EEPD1: variants seen among roughly 807,000 people sequenced by gnomAD.
The protein encoded by EEPD1 is endonuclease/exonuclease/phosphatase family domain containing 1, also known as endonuclease/exonuclease/phosphatase family domain-containing protein 1.
In EEPD1, 17 loss-of-function variants were observed where a neutral mutation model predicts 46.3. The ratio of observed to expected loss-of-function variants is 0.37; its 90% CI spans 0.25 to 0.55. The LOEUF (loss-of-function observed/expected upper bound fraction) is 0.55. EEPD1 is among the 20% of genes least tolerant of loss of function. The pLI, the probability that EEPD1 is intolerant of heterozygous loss-of-function variation, is 0.83. For synonymous variants in EEPD1, 313 were observed against 315.6 expected, an observed-to-expected ratio of 0.99 and a Z score of 0.09; for missense variants, 673 against 745.6, an observed-to-expected ratio of 0.90 and a Z score of 1.13.
chr7:36,220,860 T>C (rs1786132479), intron 2 of EEPD1, among the ~76,000 whole-genome samples: 1 of 152,192 alleles, frequency 6.6e-6, no homozygotes. Flanking sequence ...AATGCAGTGG[T>C]GCAATCTCGG....
At chr7:36,240,132 G>A (rs1786533365) in intron 3 of EEPD1, among the ~76,000 whole-genome samples, 1 of 152,032 alleles carries the variant, frequency 6.6e-6, no homozygotes, top group South Asian at 2.1e-4. Flanking sequence ...AGCCAGGTGT[G>A]GTGGTGCACA....
At chr7:36,291,923 G>T (rs940173083) in intron 6 of EEPD1, among the ~76,000 whole-genome samples, 1 of 152,222 alleles carries the variant, frequency 6.6e-6, no homozygotes, top group Non-Finnish European at 1.5e-5. Context: ...ATTTCTACTC[G>T]CTTTGCTTGG....
chr7:36,199,833 G>A (rs1785684479), intron 2 of EEPD1, among the ~76,000 whole-genome samples: 1 of 152,116 alleles, frequency 6.6e-6, no homozygotes, highest in South Asian at 2.1e-4. Flanking sequence ...AAGGCCTGTG[G>A]GTGCAGGTTG....
At chr7:36,290,322 C>T (rs1787408464) in intron 6 of EEPD1, among the ~76,000 whole-genome samples, 1 of 152,086 alleles carries the variant, frequency 6.6e-6, no homozygotes, top group African/African-American at 2.4e-5. Context: ...CACAGCCTGG[C>T]TTGGCCTTGA....
chr7:36,221,918 C>G (rs1048028872), intron 2 of EEPD1, among the ~76,000 whole-genome samples: 2 of 152,192 alleles, frequency 1.3e-5, no homozygotes, highest in African/African-American at 4.8e-5. Flanking sequence ...GTGTCCCCCC[C>G]ACAGCACACT....
At chr7:36,187,581 C>G (rs1785381861) in intron 2 of EEPD1, among the ~76,000 whole-genome samples, 1 of 152,154 alleles carries the variant, frequency 6.6e-6, no homozygotes, top group African/African-American at 2.4e-5. Context: ...TCAGGATTTC[C>G]TTCCTTTTTA....
intron 2 of EEPD1, among the ~76,000 whole-genome samples, chr7:36,177,259 A>G (rs1785198078): frequency 6.6e-6 from 1 of 151,510 alleles, no homozygotes; most frequent in South Asian, 2.1e-4. Context: ...TTCATTTTTA[A>G]ATGTTTTGCA....
chr7:36,259,496 T>C lies in EEPD1; in HGVS notation c.930+20460T>C, dbSNP rs549263122. Reference sequence around the variant, plus strand: ...CACCTTGAACTATACATTGTTATAATAATTATTCATATATATAATTTTTTT... The same window carrying C: ...CACCTTGAACTATACATTGTTATAACAATTATTCATATATATAATTTTTTT... On this transcript the variant is annotated intron_variant, in intron 3 of 7. Coordinates refer to ENST00000242108, the MANE Select transcript of EEPD1 (RefSeq NM_030636.3). Among the ~76,000 whole-genome samples, 4 of 152,274 alleles carry C rather than the reference T, an allele frequency of 2.6e-5. No individual in the cohort carries two copies. The South Asian group carries it at 8.3e-4, about 32-fold the overall frequency.
intron 2 of EEPD1, among the ~76,000 whole-genome samples, chr7:36,198,342 G>GAAAAAAAAAAAAAAAAAAAA (rs1361024411): frequency 6.6e-4 from 22 of 33,100 alleles, no homozygotes; most frequent in South Asian, 1.8e-3. Flanking sequence ...AAAAAGAAAA[G>GAAAAAAAAAAAAAAAAAAAA]AAAAAAAAAA....
intron 2 of EEPD1, among the ~76,000 whole-genome samples, chr7:36,158,936 C>A (rs538988413): frequency 6.6e-6 from 1 of 152,278 alleles, no homozygotes; most frequent in East Asian, 1.9e-4. Context: ...GCTCATTTTC[C>A]CTGTGGCCTA....
intron 3 of EEPD1, among the ~76,000 whole-genome samples, chr7:36,253,064 T>G (rs1562702911): frequency 1.3e-5 from 2 of 151,950 alleles, no homozygotes; most frequent in African/African-American, 2.4e-5. Flanking sequence ...GGTTATTGAT[T>G]TGACATCTTC....
At chr7:36,183,888 T>TTTTTTTTTTTTTTTTTTTTTTTG (rs3053348) in intron 2 of EEPD1, among the ~76,000 whole-genome samples, 14 of 135,470 alleles carry the variant, frequency 1.0e-4, no homozygotes, top group African/African-American at 1.6e-4. Context: ...TTTTTTTTTT[T>TTTTTTTTTTTTTTTTTTTTTTTG]ATTTTTAAAA....
intron 2 of EEPD1, among the ~76,000 whole-genome samples, chr7:36,237,771 T>G (rs1786481777): frequency 6.6e-6 from 1 of 152,060 alleles, no homozygotes; most frequent in Non-Finnish European, 1.5e-5. Context: ...GCCAACATGG[T>G]GAAACCCTGT....
chr7:36,162,675 C>A lies in EEPD1; in HGVS notation c.878+7473C>A, dbSNP rs945041189. Among the ~76,000 whole-genome samples, 18 of 152,104 alleles carry A rather than the reference C, an allele frequency of 1.2e-4. No individual in the cohort carries two copies. In the Middle Eastern group the frequency reaches 0.014, roughly 116 times the overall value. On this transcript the variant is annotated intron_variant, in intron 2 of 7. Coordinates refer to ENST00000242108, the MANE Select transcript of EEPD1 (RefSeq NM_030636.3). ...AAGAAAAGAAAGAAAAAAAGAAAAACCTGGATTTTCTTTACTGACTACAAT... is the reference window on the plus strand; with the variant it reads ...AAGAAAAGAAAGAAAAAAAGAAAAAACTGGATTTTCTTTACTGACTACAAT...
chr7:36,283,156 G>A (rs773459843), intron 4 of EEPD1, among the ~76,000 whole-genome samples: 12 of 152,106 alleles, frequency 7.9e-5, no homozygotes, highest in Non-Finnish European at 1.3e-4. Flanking sequence ...TGAGGTGCTC[G>A]GACCTGAGCC....
chr7:36,186,334 T>C (rs1785359962), intron 2 of EEPD1, among the ~76,000 whole-genome samples: 2 of 152,130 alleles, frequency 1.3e-5, no homozygotes, highest in Admixed American at 1.3e-4. Context: ...GAATGGCCAG[T>C]GGGGAAAGGG....
At chr7:36,259,836 T>A (rs945745910) in intron 3 of EEPD1, among the ~76,000 whole-genome samples, 2 of 152,248 alleles carry the variant, frequency 1.3e-5, no homozygotes, top group Non-Finnish European at 2.9e-5. Context: ...TATATTTTTA[T>A]GTCTTCTAAA....
intron 3 of EEPD1, among the ~76,000 whole-genome samples, chr7:36,272,991 G>A (rs570635752): frequency 2.0e-5 from 3 of 152,188 alleles, no homozygotes; most frequent in Non-Finnish European, 2.9e-5. Context: ...AAAGTTGACC[G>A]ATGTACTGAC....
At position 36,225,234 on chromosome 7, in the gene EEPD1, A is replaced by G. The variant is rs1786213228; in HGVS notation, c.879-13751A>G. On this transcript the variant is annotated intron_variant, in intron 2 of 7. Transcript: ENST00000242108. The surrounding 1 kb of genome is among the most constrained non-coding windows in gnomAD (Gnocchi z 4.2). Reference sequence around the variant, plus strand: ...AGCCACAGAAAACAACACAAATGCCATGGAAAATCAAATCAGTGATATGAG... The same window carrying G: ...AGCCACAGAAAACAACACAAATGCCGTGGAAAATCAAATCAGTGATATGAG... 6.6e-6 allele frequency among the ~76,000 whole-genome samples: 1 copy of G among 152,234 alleles called. No homozygotes were observed. Among genetic ancestry groups the G allele is most frequent in the Non-Finnish European group, 1.5e-5 (1 of 68,048 alleles).
Sources: gnomAD v4.1 joint callset for allele counts (sites outside exome capture counted in the v4.1 genomes callset) on GRCh38, gnomAD v4.1.1 for gene constraint, Gnocchi (gnomAD v3.1) non-coding constraint, MANE v1.5 for transcripts, NCBI Gene and HGNC (gene_info 2026-07-23, HGNC 2026-07-21) for gene names.